The following RPGRIP1L variants were observed in gnomAD, a reference collection of about 807,000 sequenced individuals.
The protein encoded by RPGRIP1L is RPGRIP1 like.
A neutral mutation model predicts 160.4 loss-of-function variants in RPGRIP1L; 131 were observed. The ratio of observed to expected loss-of-function variants is 0.82; its 90% confidence interval spans 0.71 to 0.94. The LOEUF (loss-of-function observed/expected upper bound fraction) is 0.94. Ranked by LOEUF, RPGRIP1L falls within the 40% of genes least tolerant of loss-of-function variation. The pLI is 0.00. For missense variants in RPGRIP1L, 1,522 were observed against 1,535.8 expected, an observed-to-expected ratio of 0.99 and a Z score of 0.15; for synonymous variants, 510 against 515.8, an observed-to-expected ratio of 0.99 and a Z score of 0.15.
At chr16:53,626,145 T>TAAAAAAAAAAAAAAAA (rs760491478) in intron 22 of RPGRIP1L, among the ~76,000 whole-genome samples, 4 of 60,530 alleles carry the variant, frequency 6.6e-5, no homozygotes, top group African/African-American at 1.9e-4. Context: ...CAATAAATAC[T>TAAAAAAAAAAAAAAAA]AAAAAAAAAA....
At chr16:53,670,948 T>A (rs957504395) in intron 9 of RPGRIP1L, among the ~76,000 whole-genome samples, 1 of 152,042 alleles carries the variant, frequency 6.6e-6, no homozygotes, top group African/African-American at 2.4e-5. Context: ...ATTAAAAAAA[T>A]TAGTCTGACA....
chr16:53,617,840 C>T (rs1377050175), intron 24 of RPGRIP1L, among the ~76,000 whole-genome samples: 1 of 152,112 alleles, frequency 6.6e-6, no homozygotes, highest in Non-Finnish European at 1.5e-5. Context: ...GCTGATACAA[C>T]AGCATGGTTA....
intron 10 of RPGRIP1L, among the ~76,000 whole-genome samples, chr16:53,661,018 G>A (rs1967748825): frequency 6.6e-6 from 1 of 150,390 alleles, no homozygotes; most frequent in Admixed American, 6.6e-5. Flanking sequence ...TATCCAGGCC[G>A]GGCACGATGG....
intron 25 of RPGRIP1L, among the ~76,000 whole-genome samples, chr16:53,610,135 A>T (rs1963935298): frequency 6.6e-6 from 1 of 152,072 alleles, no homozygotes; most frequent in Non-Finnish European, 1.5e-5. Context: ...GGCACTGGAG[A>T]AACCAGTTTG....
intron 24 of RPGRIP1L, among the ~76,000 whole-genome samples, chr16:53,612,093 A>G (rs1422179475): frequency 1.3e-5 from 2 of 152,220 alleles, no homozygotes; most frequent in Non-Finnish European, 2.9e-5. Flanking sequence ...AGTTGAGCAA[A>G]TATTAACTGA....
chr16:53,623,169 A>G (rs1964851045), intron 22 of RPGRIP1L, among the ~76,000 whole-genome samples: 1 of 152,208 alleles, frequency 6.6e-6, no homozygotes. Flanking sequence ...TCATGGGGGT[A>G]ACTAATACAA....
At chr16:53,618,279 G>C (rs1022552978) in intron 24 of RPGRIP1L, among the ~76,000 whole-genome samples, 1 of 152,124 alleles carries the variant, frequency 6.6e-6, no homozygotes, top group African/African-American at 2.4e-5. Context: ...TAGACACTGA[G>C]AGAGATATAT....
intron 17 of RPGRIP1L, among the ~76,000 whole-genome samples, chr16:53,643,584 A>C (rs1966374780): frequency 6.6e-6 from 1 of 152,204 alleles, no homozygotes; most frequent in African/African-American, 2.4e-5. Context: ...CAAGGTGTTT[A>C]AGCACACCTT....
intron 23 of RPGRIP1L, among the ~76,000 whole-genome samples, chr16:53,621,467 C>G (rs1175157306): frequency 6.7e-6 from 1 of 149,122 alleles, no homozygotes; most frequent in Non-Finnish European, 1.5e-5. Flanking sequence ...ACACTACTGC[C>G]ATTACTTCGA....
At chr16:53,616,683 T>A (rs1440034252) in intron 24 of RPGRIP1L, among the ~76,000 whole-genome samples, 1 of 152,190 alleles carries the variant, frequency 6.6e-6, no homozygotes, top group Non-Finnish European at 1.5e-5. Context: ...CTGGTTTTCT[T>A]GCTGCTATCA....
intron 16 of RPGRIP1L, among the ~76,000 whole-genome samples, chr16:53,646,875 T>G (rs1598313279): frequency 6.6e-6 from 1 of 152,186 alleles, no homozygotes; most frequent in East Asian, 1.9e-4. Flanking sequence ...ATCTCCTTAG[T>G]GGACAAATCT....
intron 25 of RPGRIP1L, among the ~76,000 whole-genome samples, chr16:53,609,152 A>C (rs936632036): frequency 6.6e-6 from 1 of 152,182 alleles, no homozygotes; most frequent in African/African-American, 2.4e-5. Context: ...ACAGTGGCAC[A>C]ACCATTGCTC....
chr16:53,696,706 AT>A (rs935645193), intron 2 of RPGRIP1L, among the ~76,000 whole-genome samples: 3 of 152,162 alleles, frequency 2.0e-5, no homozygotes, highest in African/African-American at 7.2e-5. Flanking sequence ...TAACTAAGAT[AT>A]TTTTCTGTGC....
At chr16:53,697,733 C>G (rs1342996128) in intron 2 of RPGRIP1L, among the ~76,000 whole-genome samples, 1 of 152,120 alleles carries the variant, frequency 6.6e-6, no homozygotes, top group African/African-American at 2.4e-5. Context: ...TCCCAGCCGC[C>G]TGCCTTGGCC....
intron 24 of RPGRIP1L, among the ~76,000 whole-genome samples, chr16:53,615,005 G>A (rs529983447): frequency 2.6e-5 from 4 of 152,272 alleles, no homozygotes; most frequent in Admixed American, 6.5e-5. Flanking sequence ...ATAAGGAGTC[G>A]ATAACCCTGA....
chr16:53,622,578 C>A (rs973964808), intron 22 of RPGRIP1L, among the ~76,000 whole-genome samples: 1 of 151,790 alleles, frequency 6.6e-6, no homozygotes, highest in Admixed American at 6.6e-5. Context: ...TTTTTTCACA[C>A]CCACTATATC....
chr16:53,653,079 G>A, intron 14 of RPGRIP1L, 92 bp from the exon 15 acceptor site: 1 of 1,036,538 alleles, frequency 9.6e-7, no homozygotes, highest in Admixed American at 1.9e-5. Flanking sequence ...AGTACTTCTG[G>A]TGAACAGTCT....
chr16:53,700,308 A>G (rs1971289861), intron 2 of RPGRIP1L, among the ~76,000 whole-genome samples: 1 of 152,246 alleles, frequency 6.6e-6, no homozygotes, highest in African/African-American at 2.4e-5. Context: ...AAATGTTTTA[A>G]CACTGAATGT....
rs1966519480 is a variant in RPGRIP1L, at chr16:53,645,971, G to A, written c.2337C>T (p.Leu779=). The change falls in exon 17 of 27, where the codon CTC becomes CTT. Residue 779 remains leucine, a synonymous_variant. Transcript: ENST00000647211. ...LSQQAPKTAQ[L]SSTDSTDGNL... ...TGCCATCTGTGGAATCTGTAGAACTGAGTTGAGCAGTTTTGGGTGCTTGCT... is the reference window on the plus strand; with the variant it reads ...TGCCATCTGTGGAATCTGTAGAACTAAGTTGAGCAGTTTTGGGTGCTTGCT... 9 of 1,613,962 alleles carry A rather than the reference G, an allele frequency of 5.6e-6. No individual in the cohort carries two copies. The highest frequency in any genetic ancestry group is 7.6e-6 in the Non-Finnish European group (9 of 1,179,990).
Sources: allele counts gnomAD v4.1 joint callset (sites outside exome capture counted in the v4.1 genomes callset), GRCh38; gene constraint gnomAD v4.1.1; transcripts MANE v1.5; gene names NCBI Gene and HGNC (gene_info 2026-07-23, HGNC 2026-07-21).